The following KIAA0753 variants were observed in gnomAD, a reference collection of about 807,000 sequenced individuals.
KIAA0753 encodes the protein protein moonraker.
KIAA0753 carries 114 observed loss-of-function variants against 116.9 expected under a neutral mutation model. That is an observed-to-expected ratio of 0.98 (90% confidence interval 0.84 to 1.14). The LOEUF is 1.14. KIAA0753 is among the 50% of genes most tolerant of loss of function. The pLI is 0.00. For synonymous variants in KIAA0753, 405 were observed against 413.1 expected (o/e 0.98, Z 0.24); for missense variants, 1,156 against 1,172.4 (o/e 0.99, Z 0.20).
At position 6,617,977 on chromosome 17, in the gene KIAA0753, C is replaced by T. The variant is rs373199732; in HGVS notation, c.1315+2811G>A. ...ATTAGCTGGGCAAGGTGGTGCATGCCTGTAATCCCAGCTACTCAGGAGGCT... is the reference window on the plus strand; with the variant it reads ...ATTAGCTGGGCAAGGTGGTGCATGCTTGTAATCCCAGCTACTCAGGAGGCT... On this transcript the variant is annotated intron_variant, in intron 7 of 18. Coordinates refer to ENST00000361413, the MANE Select transcript of KIAA0753 (RefSeq NM_014804.3). Among the ~76,000 whole-genome samples, 8 of 152,240 alleles carry T rather than the reference C, an allele frequency of 5.3e-5. No individual in the cohort carries two copies. The East Asian group carries it at 7.7e-4, about 15-fold the overall frequency.
chr17:6,626,867 G>A (rs568013206), intron 3 of KIAA0753, among the ~76,000 whole-genome samples: 10 of 152,230 alleles, frequency 6.6e-5, no homozygotes, highest in South Asian at 4.2e-4. Flanking sequence ...ACAGTTCCCC[G>A]GTATTAGGCC....
Position 6,599,271 on chromosome 17 carries a change from G to T in KIAA0753, c.2138C>A (p.Ser713Ter). Reference sequence around the variant, plus strand: ...AGGCTGGGCTTTCGCTGTGTTTACTGACGAGCCATCTTTCAAATGAATATT... The same window carrying T: ...AGGCTGGGCTTTCGCTGTGTTTACTTACGAGCCATCTTTCAAATGAATATT... ...EANIHLKDGSSVNTAKAQPAQ... is the reference protein window; with the variant it reads ...EANIHLKDGS The change falls in exon 14 of 19, where the codon TCA becomes TAA. Residue 713 changes from serine (S) to a stop codon, truncating the protein, a stop_gained. Coordinates refer to ENST00000361413, the MANE Select transcript of KIAA0753 (RefSeq NM_014804.3). LOFTEE classifies it high-confidence loss of function. The T allele has an allele frequency of 6.2e-7, 1 of 1,613,856 alleles. No homozygotes were observed. The highest frequency in any genetic ancestry group is 1.1e-5 in the South Asian group (1 of 91,064).
At chr17:6,583,951 A>T (rs553460189) in intron 18 of KIAA0753, among the ~76,000 whole-genome samples, 5 of 152,330 alleles carry the variant, frequency 3.3e-5, no homozygotes, top group African/African-American at 1.2e-4. Context: ...GAGAAAATTT[A>T]TGTTTTCTAA....
chr17:6,590,980 GAAGAAGAAGA>G (rs1314613927), intron 16 of KIAA0753, among the ~76,000 whole-genome samples: 2 of 133,410 alleles, frequency 1.5e-5, no homozygotes, highest in South Asian at 2.5e-4. Flanking sequence ...ATGCGAAGAA[GAAGAAGAAGA>G]AAGAAGAAGG....
Position 6,622,995 on chromosome 17 carries a change from C to G in KIAA0753, c.991G>C (p.Ala331Pro), listed in dbSNP as rs753310589. The change falls in exon 6 of 19, where the codon GCT (alanine) becomes CCT (proline). Residue 331 changes from alanine to proline, a missense_variant. Transcript: ENST00000361413. ...FTDRGEHPLP[A>P]RCKELGSLIR... ...AGGCTGCCCAGTTCCTTACACCGAG[C>G]AGGAAGTGGATGCTCCCCTCGGTCA... 1.2e-6 allele frequency: 2 copies of G among 1,614,160 alleles called. No homozygotes were observed. Among genetic ancestry groups the G allele is most frequent in the Non-Finnish European group, 1.7e-6 (2 of 1,180,018 alleles).
intron 2 of KIAA0753, among the ~76,000 whole-genome samples, chr17:6,629,576 A>AT (rs532862346): frequency 2.0e-4 from 30 of 152,316 alleles, no homozygotes; most frequent in African/African-American, 7.0e-4. Flanking sequence ...GAAAGAAACG[A>AT]TTTTATGGCT....
At chr17:6,636,458 A>T (rs1351928138) in intron 1 of KIAA0753, 1 of 152,212 alleles carries the variant, frequency 6.6e-6, no homozygotes, top group Non-Finnish European at 1.5e-5. Flanking sequence ...CTAGAAAAAA[A>T]CTAGGTGATC....
intron 7 of KIAA0753, among the ~76,000 whole-genome samples, chr17:6,615,070 A>G (rs533288791): frequency 6.8e-4 from 103 of 152,284 alleles, no homozygotes; most frequent in African/African-American, 2.3e-3. Context: ...AAGTGCTGGG[A>G]TTACAGGTGT....
intron 10 of KIAA0753, among the ~76,000 whole-genome samples, chr17:6,608,003 T>C (rs1970299568): frequency 6.6e-6 from 1 of 152,202 alleles, no homozygotes; most frequent in Non-Finnish European, 1.5e-5. Flanking sequence ...ATAACTTCTC[T>C]ATTGACTATA....
chr17:6,622,797 ATT>A (rs1326947551), intron 6 of KIAA0753, 83 bp downstream of exon 6: 2 of 1,158,410 alleles, frequency 1.7e-6, no homozygotes, highest in Non-Finnish European at 2.6e-6. Flanking sequence ...TTTGTCTTGT[ATT>A]CTCCATAAAT....
At chr17:6,603,349 G>A (rs1442981109) in intron 12 of KIAA0753, among the ~76,000 whole-genome samples, 1 of 152,202 alleles carries the variant, frequency 6.6e-6, no homozygotes, top group East Asian at 1.9e-4. Context: ...AAGGTCTACT[G>A]ATGAATGAAA....
At position 6,593,745 on chromosome 17, in the gene KIAA0753, G is replaced by A. The variant is rs144818673; in HGVS notation, c.2440+1227C>T. ...ACTACAATTAAAAAATTAGCTGGGC[G>A]TGGTGGCACACACCTGTAGTCCCAG... On this transcript the variant is annotated intron_variant, in intron 16 of 18. Transcript: ENST00000361413. Among the ~76,000 whole-genome samples the A allele has an allele frequency of 2.5e-3, 380 of 152,304 alleles. 1 individual carries two copies. The highest frequency in any genetic ancestry group is 7.7e-3 in the African/African-American group (321 of 41,564).
intron 18 of KIAA0753, among the ~76,000 whole-genome samples, chr17:6,585,407 C>T (rs1478758161): frequency 6.6e-6 from 1 of 152,236 alleles, no homozygotes; most frequent in Non-Finnish European, 1.5e-5. Context: ...CCCTTTCAAT[C>T]TAAAGACTAA....
At position 6,623,697 on chromosome 17, in the gene KIAA0753, T is replaced by C. The variant is rs1971474390; in HGVS notation, c.826-126A>G. ...ATTATTAATTCAAGTCACTTGAAAA[T>C]GAAAAAAAGGCTCTTCATTCATGCA... On this transcript the variant is annotated intron_variant, in intron 4 of 18. Transcript: ENST00000361413. The C allele has an allele frequency of 1.9e-5, 26 of 1,346,638 alleles. No homozygotes were observed. In the South Asian group the frequency reaches 4.2e-4, roughly 22 times the overall value. The allele number at this position is 1,346,638 out of a possible 1,614,324, so 83.4% of individuals were successfully genotyped here.
intron 18 of KIAA0753, among the ~76,000 whole-genome samples, chr17:6,583,281 C>T (rs945115147): frequency 1.3e-5 from 2 of 152,222 alleles, no homozygotes; most frequent in East Asian, 1.9e-4. Context: ...TTCCTCCAGC[C>T]GATTTTAAGA....
At chr17:6,582,802 G>A (rs1444203093) in intron 18 of KIAA0753, among the ~76,000 whole-genome samples, 1 of 152,238 alleles carries the variant, frequency 6.6e-6, no homozygotes, top group East Asian at 1.9e-4. Flanking sequence ...TCCATGACTT[G>A]ACGTCTAACA....
chr17:6,634,318 G>C (rs1215936541), intron 2 of KIAA0753, among the ~76,000 whole-genome samples: 1 of 152,094 alleles, frequency 6.6e-6, no homozygotes, highest in Non-Finnish European at 1.5e-5. Context: ...TAGTCAGGCT[G>C]GTCTCGAACT....
At chr17:6,605,004 C>G (rs1297098832) in intron 12 of KIAA0753, among the ~76,000 whole-genome samples, 1 of 151,198 alleles carries the variant, frequency 6.6e-6, no homozygotes, top group African/African-American at 2.4e-5. Flanking sequence ...CCCCAGCCCT[C>G]CGGGAGGCCA....
At chr17:6,615,213 G>C (rs932048236) in intron 7 of KIAA0753, among the ~76,000 whole-genome samples, 1 of 152,146 alleles carries the variant, frequency 6.6e-6, no homozygotes, top group African/African-American at 2.4e-5. Flanking sequence ...GGGATTACAG[G>C]CGTGAGCCAC....
Sources: gnomAD v4.1 joint callset for allele counts (sites outside exome capture counted in the v4.1 genomes callset) on GRCh38, gnomAD v4.1.1 for gene constraint, MANE v1.5 for transcripts, NCBI Gene and HGNC (gene_info 2026-07-23, HGNC 2026-07-21) for gene names.